Variants in CERK observed in about 807,000 individuals in gnomAD.
CERK encodes the protein ceramide kinase.
In CERK, 39 loss-of-function variants were observed where a neutral mutation model predicts 63.4. The ratio of observed to expected loss-of-function variants is 0.61; its 90% CI spans 0.48 to 0.80. The LOEUF (loss-of-function observed/expected upper bound fraction) is 0.80, where lower values mean the gene tolerates loss of function less well. Ranked by LOEUF, CERK falls within the 30% of genes least tolerant of loss-of-function variation. The pLI is 0.00. For synonymous variants in CERK, 302 were observed against 280.0 expected, an observed-to-expected ratio of 1.08 and a Z score of -0.78; for missense variants, 670 against 714.1, an observed-to-expected ratio of 0.94 and a Z score of 0.70.
rs768436756 is a variant in CERK, at chr22:46,714,673, C to A, written c.380-2380G>T. 2.6e-5 allele frequency among the ~76,000 whole-genome samples: 4 copies of A among 152,134 alleles called. No individual in the cohort carries two copies. Among genetic ancestry groups the A allele is most frequent in the Non-Finnish European group, 5.9e-5 (4 of 68,034 alleles). On this transcript the variant is annotated intron_variant, in intron 3 of 12. Coordinates refer to ENST00000216264, the MANE Select transcript of CERK (RefSeq NM_022766.6). This position sits in a 1 kb window ranked among gnomAD's most constrained non-coding sequence, Gnocchi z 4.4. ...GCCCAGATGATTTCACAACTGAATT[C>A]TTCCAAACATTTAAGGAAAAAATAG...
Position 46,738,013 on chromosome 22 carries a change from C to CG in CERK, c.135dup (p.Gly46ArgfsTer11). 1 of 1,182,464 alleles carries CG rather than the reference C, an allele frequency of 8.5e-7. No individual in the cohort carries two copies. The highest frequency in any genetic ancestry group is 1.0e-6 in the Non-Finnish European group (1 of 959,472). 73.2% of individuals were successfully genotyped at this position (1,182,464 alleles called of 1,614,324 possible). A position where few individuals can be genotyped will look rare whatever the true frequency, so the allele number is the denominator to read the frequency against. ...GGGCGGCGGCGACACTCACCCGCGC[C>CG]GGGGGCGCCGGCTCCGGGCCCCGGG... On this transcript the variant is annotated frameshift_variant, in exon 1 of 13. Coordinates refer to ENST00000216264, the MANE Select transcript of CERK (RefSeq NM_022766.6). LOFTEE classifies it high-confidence loss of function.
chr22:46,689,243 C>T (rs1490839947), intron 12 of CERK, among the ~76,000 whole-genome samples: 1 of 152,264 alleles, frequency 6.6e-6, no homozygotes, highest in Non-Finnish European at 1.5e-5. Context: ...CTTCCCAGCC[C>T]TGCTGCCTCC....
chr22:46,718,325 GA>G lies in CERK; in HGVS notation c.379+1760del, dbSNP rs756835648. 7.9e-5 allele frequency among the ~76,000 whole-genome samples: 12 copies of G among 152,294 alleles called. No homozygotes were observed. In the South Asian group the frequency reaches 1.0e-3, roughly 13 times the overall value. ...GGAATCCAGTCAGCCAAAGTCTCAT[GA>G]AAACAGGTTTGATGGGAGGAAAGGG... is the stretch of plus-strand genomic sequence containing the variant. On this transcript the variant is annotated intron_variant, in intron 3 of 12. Coordinates refer to ENST00000216264, the MANE Select transcript of CERK (RefSeq NM_022766.6).
chr22:46,701,858 TA>T, intron 6 of CERK, 148 bp from the exon 7 acceptor site: 1 of 616,164 alleles, frequency 1.6e-6, no homozygotes, highest in South Asian at 2.2e-5. Context: ...ACAAAATGAA[TA>T]TAGAAAATAC....
intron 6 of CERK, 44 bp from the exon 7 acceptor site, chr22:46,701,754 G>C: frequency 6.8e-7 from 1 of 1,463,784 alleles, no homozygotes. Context: ...CAGAATAACA[G>C]AATTGTAATC....
chr22:46,716,103 T>C (rs1027042852), intron 3 of CERK, among the ~76,000 whole-genome samples: 2 of 152,012 alleles, frequency 1.3e-5, no homozygotes, highest in East Asian at 3.9e-4. Context: ...GGCAGAAGCA[T>C]TGCTTGAGCT....
chr22:46,738,191 G>A lies in CERK; in HGVS notation c.-43C>T, dbSNP rs1270269161. Reference sequence around the variant, plus strand: ...TCCGCCAGGCTGGGGGCGCGCGGACGCCGAGGGGCGCCGGACCGTTAGCGG... The same window carrying A: ...TCCGCCAGGCTGGGGGCGCGCGGACACCGAGGGGCGCCGGACCGTTAGCGG... On this transcript the variant is annotated 5_prime_UTR_variant, in exon 1 of 13. Coordinates refer to ENST00000216264, the MANE Select transcript of CERK (RefSeq NM_022766.6). The A allele has an allele frequency of 3.7e-6, 4 of 1,095,442 alleles. No individual in the cohort carries two copies. Among genetic ancestry groups the A allele is most frequent in the South Asian group, 3.7e-5 (1 of 26,738 alleles). The allele number at this position is 1,095,442 out of a possible 1,614,324, so 67.9% of individuals were successfully genotyped here. A position where few individuals can be genotyped will look rare whatever the true frequency, so the allele number is the denominator to read the frequency against.
rs751732055 is a variant in CERK at position 46,712,296 on chromosome 22, G to GT, written c.380-4dup. On this transcript the variant is annotated splice_polypyrimidine_tract_variant and splice_region_variant and intron_variant, in intron 3 of 12. Transcript: ENST00000216264. Reference sequence around the variant, plus strand: ...CAGTAAATGCTTTGGTCTGGACGCTGTAAGACAACAACATGTAAATAACAA... The same window carrying GT: ...CAGTAAATGCTTTGGTCTGGACGCTGTTAAGACAACAACATGTAAATAACAA... 6.2e-7 allele frequency: 1 copy of GT among 1,612,798 alleles called. No individual in the cohort carries two copies. The highest frequency in any genetic ancestry group is 1.3e-5 in the African/African-American group (1 of 74,994).
At chr22:46,722,356 C>G (rs2082896640) in intron 1 of CERK, among the ~76,000 whole-genome samples, 1 of 152,078 alleles carries the variant, frequency 6.6e-6, no homozygotes, top group Non-Finnish European at 1.5e-5. Flanking sequence ...AGTGGGGCCT[C>G]CTGATTCCCT....
chr22:46,728,557 A>G (rs1305218335), intron 1 of CERK, among the ~76,000 whole-genome samples: 1 of 152,222 alleles, frequency 6.6e-6, no homozygotes, highest in Non-Finnish European at 1.5e-5. Flanking sequence ...GCAGCACTGC[A>G]GGGCACAGTA....
chr22:46,705,300 C>T (rs1052522956), intron 6 of CERK, among the ~76,000 whole-genome samples: 1 of 152,188 alleles, frequency 6.6e-6, no homozygotes, highest in Admixed American at 6.5e-5. Flanking sequence ...CAGCAGGAGA[C>T]GGTGCCTTGA....
At chr22:46,708,040 C>A (rs769401617) in intron 5 of CERK, 52 bp from the exon 6 acceptor site, 3 of 1,537,578 alleles carry the variant, frequency 2.0e-6, no homozygotes, top group African/African-American at 2.7e-5. Context: ...GCCCTCTGAG[C>A]GCAGCAGGCC....
intron 1 of CERK, among the ~76,000 whole-genome samples, chr22:46,729,485 C>T (rs923727122): frequency 6.6e-5 from 10 of 151,924 alleles, no homozygotes; most frequent in East Asian, 3.9e-4. Context: ...CATGGAACAC[C>T]GTAACCTCGA....
chr22:46,702,438 C>T (rs1020915003), intron 6 of CERK, among the ~76,000 whole-genome samples: 15 of 151,964 alleles, frequency 9.9e-5, no homozygotes, highest in East Asian at 2.0e-4. Flanking sequence ...ATTACAGGCA[C>T]GCGCCACCAC....
intron 5 of CERK, 131 bp from the exon 6 acceptor site, chr22:46,708,119 C>T (rs2082823118): frequency 1.0e-6 from 1 of 986,006 alleles, no homozygotes; most frequent in Admixed American, 2.9e-5. Context: ...AAGTGCGGCT[C>T]CTGAAATGTC....
At chr22:46,721,446 A>C (rs2082892292) in intron 1 of CERK, among the ~76,000 whole-genome samples, 3 of 151,746 alleles carry the variant, frequency 2.0e-5, no homozygotes, top group East Asian at 1.9e-4. Context: ...CCCCTCCCCC[A>C]AAAAGGAAGG....
rs376164648 is a variant in CERK, at chr22:46,691,822, C to T, written c.1127-45G>A. On this transcript the variant is annotated intron_variant, in intron 10 of 12. Transcript: ENST00000216264. ...GGAGATGTCACAGTTACAATGGCGC[C>T]GGGCAGCGCCCTGCACCAGGACGGT... The T allele has an allele frequency of 5.9e-5, 90 of 1,522,964 alleles. 2 individuals carry two copies. The South Asian group carries it at 6.2e-4, about 11-fold the overall frequency. 94.3% of individuals were successfully genotyped at this position (1,522,964 alleles called of 1,614,324 possible). A position where few individuals can be genotyped will look rare whatever the true frequency, so the allele number is the denominator to read the frequency against.
intron 11 of CERK, among the ~76,000 whole-genome samples, chr22:46,691,262 G>A (rs977084544): frequency 1.3e-5 from 2 of 152,072 alleles, no homozygotes; most frequent in Admixed American, 6.6e-5. Context: ...TAGTAGAGAT[G>A]AGGTTTCACC....
At chr22:46,702,223 ATGTG>A (rs34222392) in intron 6 of CERK, among the ~76,000 whole-genome samples, 1,693 of 84,706 alleles carry the variant, frequency 0.02, 35 homozygotes, top group South Asian at 0.094. Context: ...AAATATATAT[ATGTG>A]TGTGTGTGTG....
Sources: gnomAD v4.1 joint callset for allele counts (sites outside exome capture counted in the v4.1 genomes callset) on GRCh38, gnomAD v4.1.1 for gene constraint, Gnocchi (gnomAD v3.1) non-coding constraint, MANE v1.5 for transcripts, NCBI Gene and HGNC (gene_info 2026-07-23, HGNC 2026-07-21) for gene names.